The following ZNF407 variants were observed in gnomAD, a reference collection of about 807,000 sequenced individuals.
The protein encoded by ZNF407 is zinc finger protein 407.
Under a neutral mutation model 131.2 loss-of-function variants are expected in ZNF407, and 17 were observed. The ratio of observed to expected loss-of-function variants is 0.13; its 90% confidence interval spans 0.09 to 0.19. ZNF407 has a LOEUF of 0.19. ZNF407 is among the 10% of genes least tolerant of loss of function. ZNF407 has a pLI of 1.00. For synonymous variants in ZNF407, 1,156 were observed against 1,062.0 expected, an observed-to-expected ratio of 1.09 and a Z score of -1.72; for missense variants, 2,681 against 2,830.6, an observed-to-expected ratio of 0.95 and a Z score of 1.20.
intron 8 of ZNF407, among the ~76,000 whole-genome samples, chr18:74,977,811 G>A (rs1376174516): frequency 1.3e-5 from 2 of 152,214 alleles, no homozygotes; most frequent in African/African-American, 2.4e-5. Context: ...GGCATTTGCC[G>A]ACTACTTCTG....
intron 1 of ZNF407, among the ~76,000 whole-genome samples, chr18:74,629,427 A>G (rs1288316417): frequency 1.3e-5 from 2 of 152,214 alleles, no homozygotes; most frequent in East Asian, 3.8e-4. Flanking sequence ...TTTTAAAAAT[A>G]TATTTTAGAT....
chr18:74,920,240 G>A (rs1354171402), intron 7 of ZNF407, among the ~76,000 whole-genome samples: 1 of 152,074 alleles, frequency 6.6e-6, no homozygotes, highest in South Asian at 2.1e-4. Flanking sequence ...AGTGGTACCA[G>A]AATAATTTGA....
At chr18:74,852,048 A>G (rs1599197382) in intron 4 of ZNF407, among the ~76,000 whole-genome samples, 1 of 152,258 alleles carries the variant, frequency 6.6e-6, no homozygotes, top group East Asian at 1.9e-4. Context: ...CACTCCAGGG[A>G]CACATTGTCA....
At chr18:74,957,626 C>G (rs75768441) in intron 8 of ZNF407, among the ~76,000 whole-genome samples, 4,510 of 152,222 alleles carry the variant, frequency 0.03, 226 homozygotes, top group African/African-American at 0.1. Context: ...TCAGCATTGA[C>G]AGTTGCTATT....
chr18:74,762,993 G>T (rs1349046691), intron 3 of ZNF407, among the ~76,000 whole-genome samples: 1 of 151,998 alleles, frequency 6.6e-6, no homozygotes, highest in African/African-American at 2.4e-5. Flanking sequence ...TAGGATAGCT[G>T]TATGTTTAAG....
At chr18:75,041,243 A>G (rs961399127) in intron 8 of ZNF407, among the ~76,000 whole-genome samples, 1 of 152,238 alleles carries the variant, frequency 6.6e-6, no homozygotes, top group East Asian at 1.9e-4. Flanking sequence ...ACATAAAATC[A>G]CATTCTTAAA....
intron 4 of ZNF407, among the ~76,000 whole-genome samples, chr18:74,846,430 C>T (rs1970704339): frequency 6.6e-6 from 1 of 151,624 alleles, no homozygotes; most frequent in South Asian, 2.1e-4. Flanking sequence ...CCCTCTGCCT[C>T]CCGGATTCAA....
intron 3 of ZNF407, among the ~76,000 whole-genome samples, chr18:74,776,979 C>T (rs1287201565): frequency 1.3e-5 from 2 of 152,094 alleles, no homozygotes; most frequent in Non-Finnish European, 2.9e-5. Context: ...GTTGGCCTTA[C>T]TGTGTCAAGG....
intron 3 of ZNF407, among the ~76,000 whole-genome samples, chr18:74,771,384 T>A (rs1969356743): frequency 6.6e-6 from 1 of 152,132 alleles, no homozygotes; most frequent in African/African-American, 2.4e-5. Context: ...TTTTTCCGTA[T>A]TGTTTATTTA....
intron 7 of ZNF407, among the ~76,000 whole-genome samples, chr18:74,893,713 A>G (rs2145200218): frequency 6.6e-6 from 1 of 152,310 alleles, no homozygotes; most frequent in Non-Finnish European, 1.5e-5. Flanking sequence ...TTATTTTCAT[A>G]GATTTAATAA....
intron 8 of ZNF407, among the ~76,000 whole-genome samples, chr18:75,059,872 G>T (rs2122286780): frequency 6.6e-6 from 1 of 152,344 alleles, no homozygotes; most frequent in Non-Finnish European, 1.5e-5. Flanking sequence ...CCTCATTTCA[G>T]CTCAGCTTTT....
rs1424462769 is a variant in ZNF407, at chr18:74,779,107, A to T, written c.4803-2321A>T. Among the ~76,000 whole-genome samples the T allele has an allele frequency of 6.8e-3, 160 of 23,518 alleles. 1 individual carries two copies. Among genetic ancestry groups the T allele is most frequent in the Admixed American group, 0.013 (15 of 1,154 alleles). The allele number at this position is 23,518 out of a possible 152,430, so 15.4% of individuals were successfully genotyped here. On this transcript the variant is annotated intron_variant, in intron 3 of 8. Coordinates refer to ENST00000299687, the MANE Select transcript of ZNF407 (RefSeq NM_017757.3). ...GCTTGGCATATATATATATATATATATATTTTTTTTTTTTTTTTTTTTTTT... is the reference window on the plus strand; with the variant it reads ...GCTTGGCATATATATATATATATATTTATTTTTTTTTTTTTTTTTTTTTTT...
At chr18:74,998,800 G>T (rs1393884189) in intron 8 of ZNF407, among the ~76,000 whole-genome samples, 25 of 82,316 alleles carry the variant, frequency 3.0e-4, no homozygotes, top group African/African-American at 1.3e-3. Flanking sequence ...CGATTCCTCA[G>T]GGATCTAGAA....
chr18:74,626,444 G>A (rs1164745615), intron 1 of ZNF407, among the ~76,000 whole-genome samples: 1 of 152,134 alleles, frequency 6.6e-6, no homozygotes, highest in Non-Finnish European at 1.5e-5. Context: ...ATCTTAGTTT[G>A]TATTGTACAC....
chr18:74,649,461 T>C (rs952338262), intron 3 of ZNF407, among the ~76,000 whole-genome samples: 1 of 152,238 alleles, frequency 6.6e-6, no homozygotes, highest in African/African-American at 2.4e-5. Context: ...ACATTGTGGC[T>C]AGGGACATTG....
chr18:74,848,277 A>G (rs887011428), intron 4 of ZNF407, among the ~76,000 whole-genome samples: 4 of 152,234 alleles, frequency 2.6e-5, no homozygotes, highest in African/African-American at 9.6e-5. Context: ...ATATTAAGGA[A>G]GTTTATCAAT....
At chr18:74,766,998 G>C (rs557718966) in intron 3 of ZNF407, among the ~76,000 whole-genome samples, 1 of 152,040 alleles carries the variant, frequency 6.6e-6, no homozygotes, top group South Asian at 2.1e-4. Context: ...TGCAACCTCC[G>C]TCTGCCAGCT....
At chr18:74,622,641 T>A (rs750815649) in intron 1 of ZNF407, among the ~76,000 whole-genome samples, 4 of 152,186 alleles carry the variant, frequency 2.6e-5, no homozygotes, top group Non-Finnish European at 4.4e-5. Flanking sequence ...ACTGCCTGCA[T>A]GACGAATTTG....
chr18:74,941,071 C>G (rs531134632), intron 8 of ZNF407, among the ~76,000 whole-genome samples: 2 of 140,872 alleles, frequency 1.4e-5, no homozygotes, highest in East Asian at 4.1e-4. Context: ...GTGGCGGAAC[C>G]GGGCCCGTCC....
Sources: allele counts gnomAD v4.1 joint callset (sites outside exome capture counted in the v4.1 genomes callset), GRCh38; gene constraint gnomAD v4.1.1; transcripts MANE v1.5; gene names NCBI Gene and HGNC (gene_info 2026-07-23, HGNC 2026-07-21).